Variants in LRPPRC observed in about 807,000 individuals in gnomAD.
The protein encoded by LRPPRC is leucine rich pentatricopeptide repeat containing.
A neutral mutation model predicts 180.3 loss-of-function variants in LRPPRC; 120 were observed. That is an observed-to-expected ratio of 0.67 (90% CI 0.57 to 0.77). The LOEUF (loss-of-function observed/expected upper bound fraction) is 0.77, where lower values mean the gene tolerates loss of function less well. Among genes scored for constraint, LRPPRC ranks in the 30% least tolerant of loss-of-function variants. LRPPRC has a pLI of 0.00. For synonymous variants in LRPPRC, 723 were observed against 600.0 expected (o/e 1.21, Z -3.00); for missense variants, 2,012 against 1,657.2 (o/e 1.21, Z -3.72).
At chr2:43,939,653 A>C (rs955739566) in intron 23 of LRPPRC, among the ~76,000 whole-genome samples, 2 of 152,216 alleles carry the variant, frequency 1.3e-5, no homozygotes, top group African/African-American at 4.8e-5. Context: ...GAAAGAGCTA[A>C]ATGTTTTTTT....
intron 30 of LRPPRC, among the ~76,000 whole-genome samples, chr2:43,907,821 T>TA (rs1376157200): frequency 2.0e-5 from 3 of 152,196 alleles, no homozygotes; most frequent in Admixed American, 6.5e-5. Flanking sequence ...ACTTTCACAT[T>TA]GGACATTTCA....
At chr2:43,969,519 T>A (rs1174562270) in intron 11 of LRPPRC, among the ~76,000 whole-genome samples, 2 of 152,084 alleles carry the variant, frequency 1.3e-5, no homozygotes, top group Non-Finnish European at 2.9e-5. Flanking sequence ...GAACTGGGAT[T>A]AAGTCCTTGT....
intron 23 of LRPPRC, among the ~76,000 whole-genome samples, chr2:43,940,656 T>C (rs1240966396): frequency 1.3e-5 from 2 of 152,158 alleles, no homozygotes; most frequent in Non-Finnish European, 2.9e-5. Flanking sequence ...TATTTTTTAA[T>C]GCATGCAATG....
intron 14 of LRPPRC, among the ~76,000 whole-genome samples, chr2:43,955,579 A>T (rs1673078341): frequency 6.6e-6 from 1 of 152,136 alleles, no homozygotes; most frequent in Non-Finnish European, 1.5e-5. Flanking sequence ...CTCTACAAAA[A>T]AATTTTAAAA....
At chr2:43,988,181 A>G (rs997516398) in intron 1 of LRPPRC, among the ~76,000 whole-genome samples, 4 of 148,816 alleles carry the variant, frequency 2.7e-5, no homozygotes, top group Admixed American at 6.7e-5. Flanking sequence ...CAGAGGGTGC[A>G]AGTGAGCCAA....
At chr2:43,983,444 G>C (rs1416978416) in intron 1 of LRPPRC, among the ~76,000 whole-genome samples, 1 of 152,066 alleles carries the variant, frequency 6.6e-6, no homozygotes, top group Non-Finnish European at 1.5e-5. Flanking sequence ...AAAAATATAA[G>C]CTGTACCTGA....
chr2:43,946,846 C>G (rs1043507811), intron 20 of LRPPRC, among the ~76,000 whole-genome samples: 5 of 151,938 alleles, frequency 3.3e-5, no homozygotes, highest in Admixed American at 3.3e-4. Context: ...GGCAAGGGAC[C>G]CTTTATCTCA....
chr2:43,933,610 A>G (rs185470989), intron 25 of LRPPRC, among the ~76,000 whole-genome samples: 3 of 152,302 alleles, frequency 2.0e-5, no homozygotes, highest in African/African-American at 7.2e-5. Flanking sequence ...AATTCCACTA[A>G]GCAAAATTTA....
At chr2:43,947,494 G>C (rs531656106) in intron 19 of LRPPRC, 124 bp from the exon 20 acceptor site, 32 of 670,372 alleles carry the variant, frequency 4.8e-5, no homozygotes. Flanking sequence ...TGCTATCAGG[G>C]ATATTAATTG....
intron 30 of LRPPRC, among the ~76,000 whole-genome samples, chr2:43,907,140 C>T (rs1671090816): frequency 6.6e-6 from 1 of 152,194 alleles, no homozygotes; most frequent in Admixed American, 6.5e-5. Context: ...GTCTTTGACA[C>T]TAAGTATGAA....
intron 23 of LRPPRC, among the ~76,000 whole-genome samples, chr2:43,938,494 C>A (rs1261521024): frequency 6.6e-6 from 1 of 152,152 alleles, no homozygotes; most frequent in Non-Finnish European, 1.5e-5. Context: ...TGGCCTGCAT[C>A]AAAATTCATT....
intron 25 of LRPPRC, among the ~76,000 whole-genome samples, chr2:43,930,031 T>C (rs939005977): frequency 2.0e-5 from 3 of 152,108 alleles, no homozygotes; most frequent in African/African-American, 7.2e-5. Context: ...CACGCTGGCT[T>C]ATTAAGGAAG....
intron 25 of LRPPRC, among the ~76,000 whole-genome samples, chr2:43,929,344 T>G (rs906324985): frequency 2.6e-5 from 4 of 152,232 alleles, no homozygotes; most frequent in Admixed American, 1.3e-4. Context: ...GACTAGTACT[T>G]CGTTACTTCT....
intron 13 of LRPPRC, among the ~76,000 whole-genome samples, chr2:43,958,499 T>C (rs937925893): frequency 6.6e-6 from 1 of 152,226 alleles, no homozygotes; most frequent in Non-Finnish European, 1.5e-5. Flanking sequence ...GATCAGCTGC[T>C]ATATTCCTTG....
chr2:43,953,896 C>A (rs1416797592), intron 14 of LRPPRC, among the ~76,000 whole-genome samples: 2 of 152,134 alleles, frequency 1.3e-5, no homozygotes, highest in African/African-American at 4.8e-5. Flanking sequence ...AATGGCCAGG[C>A]CGGTGGTTCA....
At chr2:43,897,379 ACT>A (rs1670722138) in intron 34 of LRPPRC, among the ~76,000 whole-genome samples, 1 of 152,194 alleles carries the variant, frequency 6.6e-6, no homozygotes, top group South Asian at 2.1e-4. Context: ...TTTAGTTTAC[ACT>A]CATCACAGAT....
At chr2:43,902,733 T>C (rs1483618553) in intron 31 of LRPPRC, 1 of 152,100 alleles carries the variant, frequency 6.6e-6, no homozygotes, top group Non-Finnish European at 1.5e-5. Flanking sequence ...ATAATAAGCT[T>C]GATAAAATTT....
chr2:43,900,507 C>G (rs1305959697), intron 32 of LRPPRC, among the ~76,000 whole-genome samples: 5 of 152,074 alleles, frequency 3.3e-5, no homozygotes, highest in Non-Finnish European at 5.9e-5. Flanking sequence ...TTAAAATTCA[C>G]CCAGTTCTTA....
rs537292694 is a variant in LRPPRC at position 43,917,895 on chromosome 2, C to T, written c.3148+130G>A. 1.1e-4 allele frequency: 70 copies of T among 663,448 alleles called. 1 individual carries two copies. The Middle Eastern group carries it at 2.4e-3, about 23-fold the overall frequency. 41.1% of individuals were successfully genotyped at this position (663,448 alleles called of 1,614,324 possible). On this transcript the variant is annotated intron_variant, in intron 29 of 37. Coordinates refer to ENST00000260665, the MANE Select transcript of LRPPRC (RefSeq NM_133259.4). ...GTTTTCGTTAAAGTATGGAAGGGGA[C>T]AAGAAATATGTAAAATTTAAGTCCT...
Sources: allele counts gnomAD v4.1 joint callset (sites outside exome capture counted in the v4.1 genomes callset), GRCh38; gene constraint gnomAD v4.1.1; transcripts MANE v1.5; gene names NCBI Gene and HGNC (gene_info 2026-07-23, HGNC 2026-07-21).